Variants in POLR2B observed in about 807,000 individuals in gnomAD.
The protein encoded by POLR2B is DNA-directed RNA polymerase II subunit RPB2.
Under a neutral mutation model 144.6 loss-of-function variants are expected in POLR2B, and 57 were observed. The ratio of observed to expected loss-of-function variants is 0.39; its 90% confidence interval spans 0.32 to 0.49. The LOEUF (loss-of-function observed/expected upper bound fraction) is 0.49. Ranked by LOEUF, POLR2B falls within the 20% of genes least tolerant of loss-of-function variation. The pLI, the probability that POLR2B is intolerant of heterozygous loss-of-function variation, is 0.83. For synonymous variants in POLR2B, 442 were observed against 469.8 expected (o/e 0.94, Z 0.77); for missense variants, 595 against 1,467.4 (o/e 0.41, Z 9.71).
chr4:56,995,418 T>C lies in POLR2B; in HGVS notation c.735+9T>C. 6.4e-7 allele frequency: 1 copy of C among 1,573,882 alleles called. No individual in the cohort carries two copies. Among genetic ancestry groups the C allele is most frequent in the Non-Finnish European group, 8.7e-7 (1 of 1,153,606 alleles). ...TGGCAAGAGGAGGACAGGTATGGAC[T>C]GGATATGATGCTATTTGGGTTTATT... is the stretch of plus-strand genomic sequence containing the variant. On this transcript the variant is annotated intron_variant, in intron 6 of 24. Transcript: ENST00000314595.
rs747288554 is a variant in POLR2B, at chr4:56,996,260, G to GTATACATA, written c.735+852_735+853insATACATAT. 2.1e-4 allele frequency among the ~76,000 whole-genome samples: 15 copies of GTATACATA among 71,914 alleles called. 1 individual carries two copies. Among genetic ancestry groups the GTATACATA allele is most frequent in the African/African-American group, 9.6e-4 (15 of 15,554 alleles). The allele number at this position is 71,914 out of a possible 152,430, so 47.2% of individuals were successfully genotyped here. On this transcript the variant is annotated intron_variant, in intron 6 of 24. Coordinates refer to ENST00000314595, the MANE Select transcript of POLR2B (RefSeq NM_000938.3). Reference sequence around the variant, plus strand: ...TGTGTATGTATATGTGTGTGTGTGTGTGTATATATATATATATATTTTTTT... The same window carrying GTATACATA: ...TGTGTATGTATATGTGTGTGTGTGTGTATACATATGTATATATATATATATATTTTTTT...
At chr4:56,986,020 C>T (rs948564204) in intron 1 of POLR2B, among the ~76,000 whole-genome samples, 2 of 152,166 alleles carry the variant, frequency 1.3e-5, no homozygotes, top group Admixed American at 6.5e-5. Context: ...TAGGGTATTG[C>T]CCAGTTGTTG....
rs1355545155 is a variant in POLR2B at position 57,017,277 on chromosome 4, T to C, written c.2154+36T>C. ...CTTTTTGTCTTCTGGTGTGAGGAAT[T>C]GGGAGAAGTAATAAAAATTGAAAGT... On this transcript the variant is annotated intron_variant, in intron 15 of 24. Transcript: ENST00000314595. The surrounding 1 kb of genome is among the most constrained non-coding windows in gnomAD (Gnocchi z 4.8). 1.1e-5 allele frequency: 16 copies of C among 1,446,286 alleles called. No individual in the cohort carries two copies. The highest frequency in any genetic ancestry group is 1.4e-5 in the Non-Finnish European group (15 of 1,039,188). 89.6% of individuals were successfully genotyped at this position (1,446,286 alleles called of 1,614,324 possible).
Position 57,023,951 on chromosome 4 carries a change from A to G in POLR2B, c.2857-54A>G. Reference sequence around the variant, plus strand: ...ATTCAGTTGGGAGAACTGAAATGTCAGTTCTAGTTTAGTATATGTATCTTT... The same window carrying G: ...ATTCAGTTGGGAGAACTGAAATGTCGGTTCTAGTTTAGTATATGTATCTTT... On this transcript the variant is annotated intron_variant, in intron 20 of 24. Transcript: ENST00000314595. This position sits in a 1 kb window ranked among gnomAD's most constrained non-coding sequence, Gnocchi z 4.3. 2 of 1,001,132 alleles carry G rather than the reference A, an allele frequency of 2.0e-6. No individual in the cohort carries two copies. Among genetic ancestry groups the G allele is most frequent in the Non-Finnish European group, 3.0e-6 (2 of 663,398 alleles). The allele number at this position is 1,001,132 out of a possible 1,614,324, so 62.0% of individuals were successfully genotyped here.
rs145846724 is a variant in POLR2B, at chr4:57,020,967, C to T, written c.2392C>T (p.Arg798Cys). The T allele has an allele frequency of 1.9e-6, 3 of 1,603,300 alleles. No homozygotes were observed. The highest frequency in any genetic ancestry group is 1.3e-5 in the African/African-American group (1 of 74,694). The change falls in exon 17 of 25, where the codon CGT becomes TGT. Residue 798 changes from arginine (R) to cysteine (C), a missense_variant. Physicochemically the swap from Arg to Cys is radical, Grantham distance 180 (BLOSUM62 -3). This residue lies in a region of POLR2B where 39 missense variants were observed against 174.3 expected (regional missense o/e 0.22). Transcript: ENST00000314595. ...TCAGGAAGACTCTGTTATCATGAAT[C>T]GTTCAGCTGTAGACCGCGGCTTCTT... ...YNQEDSVIMN[R>C]SAVDRGFFRS...
chr4:56,986,306 C>G (rs1184739163), intron 1 of POLR2B, 48 bp from the exon 2 acceptor site: 9 of 1,048,800 alleles, frequency 8.6e-6, no homozygotes, highest in Non-Finnish European at 1.2e-5. Context: ...AAGATGTTAA[C>G]TAAGTGGCAT....
chr4:56,996,206 A>ATGTGTGTG (rs59059584), intron 6 of POLR2B, among the ~76,000 whole-genome samples: 5,194 of 115,188 alleles, frequency 0.045, 230 homozygotes, highest in South Asian at 0.16. Flanking sequence ...ATTTCAGTTC[A>ATGTGTGTG]TGTGTGTGTG....
In POLR2B at chr4:57,024,880, T is replaced by G; in HGVS notation, c.2965-6T>G. The G allele has an allele frequency of 6.9e-7, 1 of 1,457,364 alleles. No individual in the cohort carries two copies. Among genetic ancestry groups the G allele is most frequent in the Non-Finnish European group, 9.5e-7 (1 of 1,049,974 alleles). The allele number at this position is 1,457,364 out of a possible 1,614,324, so 90.3% of individuals were successfully genotyped here. Reference sequence around the variant, plus strand: ...ACATTTTAAAGAGTACTTTTTTTTTTAAAAGGTATCGGCTAACAAGGGTGA... The same window carrying G: ...ACATTTTAAAGAGTACTTTTTTTTTGAAAAGGTATCGGCTAACAAGGGTGA... On this transcript the variant is annotated splice_region_variant and splice_polypyrimidine_tract_variant and intron_variant, in intron 21 of 24. Transcript: ENST00000314595.
At chr4:57,025,032 T>C in intron 22 of POLR2B, 33 bp downstream of exon 22, 1 of 1,038,056 alleles carries the variant, frequency 9.6e-7, no homozygotes, top group Non-Finnish European at 1.5e-6. Context: ...AATTTGCCAC[T>C]TGTTTTTTTT....
rs1486505634 is a variant in POLR2B, at chr4:57,030,949, T to C, written c.3486T>C (p.Leu1162=). 1.2e-6 allele frequency: 2 copies of C among 1,608,464 alleles called. No individual in the cohort carries two copies. The highest frequency in any genetic ancestry group is 8.5e-7 in the Non-Finnish European group (1 of 1,174,820). ...PYACKLLFQE[L]MSMSIAPRMM... The stretch of plus-strand genomic sequence containing the variant: ...CATGCAAACTATTGTTTCAGGAACT[T>C]ATGTCTATGAGTATTGCACCGCGAA... The change falls in exon 25 of 25, where the codon CTT becomes CTC. Residue 1162 remains leucine (L), a synonymous_variant. Transcript: ENST00000314595.
chr4:57,008,247 C>G (rs1035866708), intron 10 of POLR2B, among the ~76,000 whole-genome samples: 6 of 151,306 alleles, frequency 4.0e-5, no homozygotes, highest in Non-Finnish European at 8.8e-5. Flanking sequence ...CTGTCTTGCC[C>G]AGGCTGGAGT....
chr4:57,000,826 A>T (rs1722829779), intron 7 of POLR2B, among the ~76,000 whole-genome samples: 2 of 151,696 alleles, frequency 1.3e-5, no homozygotes, highest in Admixed American at 1.3e-4. Context: ...CTCCCAAGTA[A>T]TTGGGACTAC....
At chr4:57,014,503 T>C (rs1157059072) in intron 13 of POLR2B, among the ~76,000 whole-genome samples, 1 of 111,968 alleles carries the variant, frequency 8.9e-6, no homozygotes, top group East Asian at 2.8e-4. Flanking sequence ...TCTTTTTTTT[T>C]CTTTTTTTTT....
intron 14 of POLR2B, 44 bp downstream of exon 14, chr4:57,015,700 A>G (rs969121836): frequency 1.5e-5 from 14 of 921,440 alleles, no homozygotes; most frequent in Non-Finnish European, 2.0e-5. Context: ...AAAAATTGAG[A>G]TAGAATTTAC....
chr4:56,994,273 TA>T, intron 3 of POLR2B, 130 bp from the exon 4 acceptor site: 1 of 604,380 alleles, frequency 1.7e-6, no homozygotes, highest in Non-Finnish European at 3.0e-6. Context: ...CCCATTTCAG[TA>T]AAATGGATTA....
chr4:56,999,834 C>A, intron 7 of POLR2B, 53 bp downstream of exon 7: 1 of 1,249,258 alleles, frequency 8.0e-7, no homozygotes. Context: ...TTTAGAGTTA[C>A]TGATTGTTGC....
chr4:56,988,262 C>T (rs1322600023), intron 2 of POLR2B, among the ~76,000 whole-genome samples: 2 of 151,626 alleles, frequency 1.3e-5, no homozygotes, highest in South Asian at 2.1e-4. Flanking sequence ...AGGAGATGGA[C>T]GAGGAAGATA....
At chr4:57,018,786 C>G (rs1418727824) in intron 16 of POLR2B, among the ~76,000 whole-genome samples, 1 of 151,888 alleles carries the variant, frequency 6.6e-6, no homozygotes, top group Non-Finnish European at 1.5e-5. Context: ...ATTTTAGACA[C>G]CAGGAAGAGA....
At chr4:56,992,560 A>G (rs79858546) in intron 3 of POLR2B, among the ~76,000 whole-genome samples, 1 of 85,586 alleles carries the variant, frequency 1.2e-5, no homozygotes, top group Non-Finnish European at 2.3e-5. Flanking sequence ...TGGCTTATCT[A>G]TTTTTTTTTT....
Sources: gnomAD v4.1 joint callset for allele counts (sites outside exome capture counted in the v4.1 genomes callset) on GRCh38, gnomAD v4.1.1 for gene constraint, gnomAD v4.1.1 regional missense constraint, Gnocchi (gnomAD v3.1) non-coding constraint, MANE v1.5 for transcripts, NCBI Gene and HGNC (gene_info 2026-07-23, HGNC 2026-07-21) for gene names.